TRIP11: variants seen among roughly 807,000 people sequenced by gnomAD.
The protein encoded by TRIP11 is thyroid receptor-interacting protein 11.
In TRIP11, 148 loss-of-function variants were observed where a neutral mutation model predicts 223.1. That is an observed-to-expected ratio of 0.66 (90% CI 0.58 to 0.76). The LOEUF (loss-of-function observed/expected upper bound fraction) is 0.76, where lower values mean the gene tolerates loss of function less well. Among genes scored for constraint, TRIP11 ranks in the 30% least tolerant of loss-of-function variants. The pLI, the probability that TRIP11 is intolerant of heterozygous loss-of-function variation, is 0.00. For synonymous variants in TRIP11, 762 were observed against 772.6 expected, an observed-to-expected ratio of 0.99 and a Z score of 0.23; for missense variants, 2,043 against 2,222.0, an observed-to-expected ratio of 0.92 and a Z score of 1.62.
At position 92,004,888 on chromosome 14, in the gene TRIP11, G is replaced by A. The variant is rs2056878300; in HGVS notation, c.3088C>T (p.Leu1030=). 1 of 1,613,824 alleles carries A rather than the reference G, an allele frequency of 6.2e-7. No individual in the cohort carries two copies. Among genetic ancestry groups the A allele is most frequent in the East Asian group, 2.2e-5 (1 of 44,852 alleles). Residue 1030 remains leucine, a synonymous_variant, in exon 11 of 21, where the codon CTG becomes TTG. Transcript: ENST00000267622. The part of the protein sequence containing the change: ...RLVKGIKERE[L]EIKLLNEKNI... ...TTTTCATTTAGAAGTTTAATCTCCA[G>A]TTCTCGCTCTTTTATTCCTTTCACT...
chr14:92,026,595 C>T (rs897805901), intron 2 of TRIP11: 17 of 1,276,514 alleles, frequency 1.3e-5, no homozygotes, highest in African/African-American at 5.9e-5. Flanking sequence ...ACACCAGCTC[C>T]GAAATCACCA....
chr14:91,992,060 A>T (rs2056679382), intron 15 of TRIP11, among the ~76,000 whole-genome samples: 1 of 145,946 alleles, frequency 6.9e-6, no homozygotes, highest in African/African-American at 2.6e-5. Context: ...CAGCCTGAGC[A>T]AAGAGCGAAA....
intron 2 of TRIP11, among the ~76,000 whole-genome samples, chr14:92,027,571 C>A (rs1427877372): frequency 1.3e-5 from 2 of 151,548 alleles, no homozygotes; most frequent in African/African-American, 4.9e-5. Flanking sequence ...CTAACAACAA[C>A]AACAAAAAGA....
chr14:92,026,970 T>C, intron 2 of TRIP11: 1 of 991,728 alleles, frequency 1.0e-6, no homozygotes, highest in Middle Eastern at 3.2e-4. Context: ...AATCTAAACG[T>C]GGTCACCTTC....
At position 92,015,674 on chromosome 14, in the gene TRIP11, A is replaced by ATAC. The variant is rs760314896; in HGVS notation, c.823+21_823+22insGTA. The ATAC allele has an allele frequency of 9.0e-6, 14 of 1,564,068 alleles. No homozygotes were observed. The East Asian group carries it at 3.1e-4, about 35-fold the overall frequency. ...CTCCATCTCAAAAAAAATAATAATA[A>ATAC]TAAAGAAATAAAACTAATAACCTTG... is the stretch of plus-strand genomic sequence containing the variant. On this transcript the variant is annotated intron_variant, in intron 6 of 20. Coordinates refer to ENST00000267622, the MANE Select transcript of TRIP11 (RefSeq NM_004239.4).
intron 16 of TRIP11, chr14:91,977,118 C>A: frequency 2.5e-6 from 1 of 395,700 alleles, no homozygotes; most frequent in Non-Finnish European, 5.0e-6. Context: ...CTAGACTCTG[C>A]CACAAACCTT....
Position 92,004,131 on chromosome 14 carries a change from T to A in TRIP11, c.3845A>T (p.Lys1282Ile), listed in dbSNP as rs772409499. ...QSYEQNETKL[K>I]NFGQELAQVQ... ...TTGTGCTAATTCCTGCCCAAAATTT[T>A]TGAGTTTGGTTTCATTCTGCTCATA... Residue 1282 changes from lysine to isoleucine, a missense_variant, in exon 11 of 21, where the codon AAA becomes ATA. Transcript: ENST00000267622. The A allele has an allele frequency of 5.6e-6, 9 of 1,614,224 alleles. No homozygotes were observed. The Admixed American group carries it at 1.5e-4, about 27-fold the overall frequency.
chr14:92,005,561 C>G lies in TRIP11; in HGVS notation c.2415G>C (p.Gln805His). 6.2e-7 allele frequency: 1 copy of G among 1,612,290 alleles called. No homozygotes were observed. Among genetic ancestry groups the G allele is most frequent in the Non-Finnish European group, 8.5e-7 (1 of 1,179,730 alleles). Residue 805 changes from glutamine (Q) to histidine (H), a missense_variant, in exon 11 of 21, where the codon CAG becomes CAC. By Grantham distance (24) the Gln-to-His change is conservative. Coordinates refer to ENST00000267622, the MANE Select transcript of TRIP11 (RefSeq NM_004239.4). Reference sequence around the variant, plus strand: ...CTTTCTTGTTTATAAGTTGTGTCAACTGCTTCTGCTCTTCTAAACTAGATG... The same window carrying G: ...CTTTCTTGTTTATAAGTTGTGTCAAGTGCTTCTGCTCTTCTAAACTAGATG... ...VLSSSLEEQK[Q>H]LTQLINKKEI...
intron 12 of TRIP11, among the ~76,000 whole-genome samples, chr14:91,999,706 C>T (rs539828728): frequency 2.0e-5 from 3 of 152,154 alleles, no homozygotes; most frequent in East Asian, 3.9e-4. Context: ...TTGTGACAGG[C>T]CACTTTTTCA....
chr14:91,981,012 ATTTT>A lies in TRIP11; in HGVS notation c.5261-4827_5261-4824del, dbSNP rs564098716. 1.6e-3 allele frequency among the ~76,000 whole-genome samples: 81 copies of A among 49,890 alleles called. 1 individual carries two copies. Among genetic ancestry groups the A allele is most frequent in the East Asian group, 8.1e-3 (19 of 2,346 alleles). 32.7% of individuals were successfully genotyped at this position (49,890 alleles called of 152,430 possible). ...ATATTATATATATATATATATATAT[ATTTT>A]TTTTTTTTTTTTTTTTTTTTGAGAC... On this transcript the variant is annotated intron_variant, in intron 16 of 20. Transcript: ENST00000267622.
At chr14:91,998,590 A>G (rs901922370) in intron 13 of TRIP11, among the ~76,000 whole-genome samples, 3 of 152,138 alleles carry the variant, frequency 2.0e-5, no homozygotes, top group African/African-American at 7.2e-5. Context: ...CACAGACATA[A>G]AAGTATAAAA....
Position 92,020,662 on chromosome 14 carries a change from T to TA in TRIP11, c.588+893dup, listed in dbSNP as rs776038130. ...CAATTTTTTTCCTCTCATGTTTTAT[T>TA]AAAAAAAAAAAAAAGGATCTGTTGC... On this transcript the variant is annotated intron_variant, in intron 4 of 20. Transcript: ENST00000267622. Among the ~76,000 whole-genome samples, 278 of 138,248 alleles carry TA rather than the reference T, an allele frequency of 2.0e-3. 1 individual carries two copies. Among genetic ancestry groups the TA allele is most frequent in the Middle Eastern group, 0.011 (3 of 270 alleles). 90.7% of individuals were successfully genotyped at this position (138,248 alleles called of 152,430 possible).
Position 91,988,385 on chromosome 14 carries a change from TGAGA to T in TRIP11, c.5161-6_5161-3del. 1 of 1,612,986 alleles carries T rather than the reference TGAGA, an allele frequency of 6.2e-7. No homozygotes were observed. The highest frequency in any genetic ancestry group is 8.5e-7 in the Non-Finnish European group (1 of 1,179,266). The stretch of plus-strand genomic sequence containing the variant: ...AGCATTTGCTTCATCCAAACATTCC[TGAGA>T]AAGAAAACTTTATTAAAAAAAAGTA... On this transcript the variant is annotated splice_polypyrimidine_tract_variant and splice_region_variant and intron_variant, in intron 15 of 20. Coordinates refer to ENST00000267622, the MANE Select transcript of TRIP11 (RefSeq NM_004239.4).
chr14:92,032,546 T>C (rs1046471780), intron 2 of TRIP11, among the ~76,000 whole-genome samples: 2 of 152,160 alleles, frequency 1.3e-5, no homozygotes, highest in Non-Finnish European at 2.9e-5. Flanking sequence ...TTCTTAATAT[T>C]ATACTTAGCT....
At chr14:92,026,999 GC>G in intron 2 of TRIP11, 1 of 716,120 alleles carries the variant, frequency 1.4e-6, no homozygotes, top group East Asian at 3.0e-5. Context: ...AGGCCCGCCC[GC>G]CCACCGTGGG....
intron 19 of TRIP11, among the ~76,000 whole-genome samples, chr14:91,973,805 C>A (rs1426703388): frequency 2.0e-5 from 3 of 152,158 alleles, no homozygotes; most frequent in Non-Finnish European, 2.9e-5. Context: ...GGTGGGCGGA[C>A]CACGAGGTCA....
intron 2 of TRIP11, among the ~76,000 whole-genome samples, chr14:92,030,123 G>T (rs1423211126): frequency 4.0e-5 from 6 of 150,716 alleles, no homozygotes; most frequent in Non-Finnish European, 7.4e-5. Context: ...CGTGAACCCG[G>T]GAGGCGGAGC....
intron 1 of TRIP11, among the ~76,000 whole-genome samples, chr14:92,035,585 A>T (rs11621554): frequency 0.46 from 63,035 of 137,436 alleles, 14,850 homozygotes; most frequent in Admixed American, 0.48. Flanking sequence ...TTATTTATTT[A>T]TTTTTTTTTT....
rs368782774 is a variant in TRIP11, at chr14:92,033,182, T to G, written c.201+10A>C. On this transcript the variant is annotated intron_variant, in intron 2 of 20. Coordinates refer to ENST00000267622, the MANE Select transcript of TRIP11 (RefSeq NM_004239.4). Reference sequence around the variant, plus strand: ...AAAGAAAAATCTAAGTAGTCTTTGATTTTTCTTACCTCTGATCTCAAGATT... The same window carrying G: ...AAAGAAAAATCTAAGTAGTCTTTGAGTTTTCTTACCTCTGATCTCAAGATT... 9.9e-6 allele frequency: 16 copies of G among 1,611,660 alleles called. No homozygotes were observed. Among genetic ancestry groups the G allele is most frequent in the Non-Finnish European group, 1.2e-5 (14 of 1,178,318 alleles).
Sources: allele counts gnomAD v4.1 joint callset (sites outside exome capture counted in the v4.1 genomes callset), GRCh38; gene constraint gnomAD v4.1.1; transcripts MANE v1.5; gene names NCBI Gene and HGNC (gene_info 2026-07-23, HGNC 2026-07-21).